Variants in LIN9 observed in about 807,000 individuals in gnomAD.
The protein encoded by LIN9 is protein lin-9 homolog.
A neutral mutation model predicts 78.0 loss-of-function variants in LIN9; 18 were observed. The ratio of observed to expected loss-of-function variants is 0.23; its 90% CI spans 0.16 to 0.34. The LOEUF (loss-of-function observed/expected upper bound fraction) is 0.34. Among genes scored for constraint, LIN9 ranks in the 10% least tolerant of loss-of-function variants. The probability of loss-of-function intolerance (pLI) is 1.00; values close to 1 mark genes in which losing one functional copy is unlikely to be tolerated. For synonymous variants in LIN9, 192 were observed against 215.2 expected (o/e 0.89, Z 0.94); for missense variants, 451 against 644.1 (o/e 0.70, Z 3.25).
intron 6 of LIN9, among the ~76,000 whole-genome samples, chr1:226,283,144 T>C (rs1301669474): frequency 1.3e-5 from 2 of 152,052 alleles, no homozygotes; most frequent in African/African-American, 4.8e-5. Context: ...TACTTATTTT[T>C]GAGGCAGGGT....
At chr1:226,250,230 T>G (rs185089141) in intron 11 of LIN9, among the ~76,000 whole-genome samples, 1 of 152,128 alleles carries the variant, frequency 6.6e-6, no homozygotes, top group East Asian at 1.9e-4. Context: ...TCTCATTTTT[T>G]GAACTCATTA....
rs922919466 is a variant in LIN9 at position 226,297,803 on chromosome 1, T to C, written c.75A>G (p.Leu25=). 1.3e-6 allele frequency: 2 copies of C among 1,575,888 alleles called. No individual in the cohort carries two copies. Among genetic ancestry groups the C allele is most frequent in the East Asian group, 4.6e-5 (2 of 43,928 alleles). ...KALVSLKEGS[L]SNTWNEKYSS... is the part of the protein sequence containing the mutation. The stretch of plus-strand genomic sequence containing the variant: ...TGTACTTTTCATTCCACGTGTTAGA[T>C]AAGCTTCCTTCTGTAATAAATAGTT... The change falls in exon 3 of 15, where the codon TTA becomes TTG. Residue 25 remains leucine (L), a synonymous_variant. Coordinates refer to ENST00000681046, the MANE Select transcript of LIN9 (RefSeq NM_001366245.2).
rs1659839948 is a variant in LIN9, at chr1:226,265,390, T to C, written c.1038+143A>G. ...TCTTTTTTGGTTTTTATAACTTTTA[T>C]TTTCAGGCTTTGTTGGAAATAGCAG... On this transcript the variant is annotated intron_variant, in intron 10 of 14. Coordinates refer to ENST00000681046, the MANE Select transcript of LIN9 (RefSeq NM_001366245.2). This position sits in a 1 kb window ranked among gnomAD's most constrained non-coding sequence, Gnocchi z 4.1. 2.2e-6 allele frequency: 1 copy of C among 460,602 alleles called. No individual in the cohort carries two copies. The highest frequency in any genetic ancestry group is 3.9e-6 in the Non-Finnish European group (1 of 258,100). 28.5% of individuals were successfully genotyped at this position (460,602 alleles called of 1,614,324 possible). A position where few individuals can be genotyped will look rare whatever the true frequency, so the allele number is the denominator to read the frequency against.
At chr1:226,261,360 G>T (rs1001186182) in intron 10 of LIN9, among the ~76,000 whole-genome samples, 1 of 151,518 alleles carries the variant, frequency 6.6e-6, no homozygotes, top group Non-Finnish European at 1.5e-5. Context: ...TTAGGCGGGT[G>T]ACATGACTGT....
intron 11 of LIN9, among the ~76,000 whole-genome samples, chr1:226,247,998 A>AG (rs1469443090): frequency 6.6e-6 from 1 of 152,134 alleles, no homozygotes; most frequent in Non-Finnish European, 1.5e-5. Flanking sequence ...TTAATGCTCC[A>AG]GTGTTCTTCA....
chr1:226,299,116 A>G (rs1350489145), intron 2 of LIN9, among the ~76,000 whole-genome samples: 2 of 152,212 alleles, frequency 1.3e-5, no homozygotes, highest in Non-Finnish European at 2.9e-5. Context: ...GGATGAATAT[A>G]CAAGCTGGTT....
intron 11 of LIN9, among the ~76,000 whole-genome samples, chr1:226,243,329 G>C (rs557947824): frequency 6.6e-6 from 1 of 152,338 alleles, no homozygotes; most frequent in South Asian, 2.1e-4. Context: ...TAGGATTGAA[G>C]AGAGTGATCT....
intron 7 of LIN9, among the ~76,000 whole-genome samples, chr1:226,277,534 T>C (rs954728837): frequency 5.9e-5 from 9 of 152,104 alleles, no homozygotes; most frequent in Admixed American, 2.0e-4. Context: ...TAGTGAAAAA[T>C]CAAAGTCACT....
chr1:226,279,650 C>CT (rs1660913960), intron 6 of LIN9, among the ~76,000 whole-genome samples: 1 of 143,356 alleles, frequency 7.0e-6, no homozygotes, highest in African/African-American at 2.6e-5. Flanking sequence ...CGGAATGAGC[C>CT]TGTAGTCCCA....
intron 12 of LIN9, among the ~76,000 whole-genome samples, chr1:226,234,189 G>A (rs1259560767): frequency 6.6e-6 from 1 of 152,162 alleles, no homozygotes; most frequent in Non-Finnish European, 1.5e-5. Context: ...AAGTAGTTGT[G>A]AAGAGATACT....
intron 11 of LIN9, among the ~76,000 whole-genome samples, chr1:226,244,000 G>A (rs1265329746): frequency 1.3e-5 from 2 of 150,856 alleles, no homozygotes; most frequent in East Asian, 2.1e-4. Context: ...TCAGCCTCCC[G>A]AATAGCTGGG....
At chr1:226,302,349 T>C (rs1367091604) in intron 1 of LIN9, among the ~76,000 whole-genome samples, 1 of 152,052 alleles carries the variant, frequency 6.6e-6, no homozygotes, top group Non-Finnish European at 1.5e-5. Flanking sequence ...CAAGACCATC[T>C]TGGCTAACAC....
intron 1 of LIN9, among the ~76,000 whole-genome samples, chr1:226,304,131 T>C (rs1662745952): frequency 6.6e-6 from 1 of 152,248 alleles, no homozygotes; most frequent in Non-Finnish European, 1.5e-5. Flanking sequence ...CAGTTAATTT[T>C]GATATAATGC....
At chr1:226,252,318 AAATGAATG>A (rs57329585) in intron 10 of LIN9, among the ~76,000 whole-genome samples, 80 of 136,000 alleles carry the variant, frequency 5.9e-4, no homozygotes, top group African/African-American at 2.2e-3. Context: ...ATAAATAAAT[AAATGAATG>A]AATGAATGAA....
At chr1:226,250,612 T>C (rs1658771973) in intron 11 of LIN9, among the ~76,000 whole-genome samples, 4 of 152,186 alleles carry the variant, frequency 2.6e-5, no homozygotes, top group Admixed American at 2.0e-4. Flanking sequence ...ACTGTAGTGG[T>C]AGAATCATAG....
At chr1:226,302,257 A>G (rs1662586234) in intron 1 of LIN9, among the ~76,000 whole-genome samples, 2 of 152,088 alleles carry the variant, frequency 1.3e-5, no homozygotes, top group African/African-American at 2.4e-5. Flanking sequence ...AAAAATCAAT[A>G]GAGAGGCCGG....
In LIN9 at chr1:226,233,407, G is replaced by A. The variant is rs142771300; in HGVS notation, c.1362C>T (p.Cys454=). The A allele has an allele frequency of 6.6e-5, 107 of 1,613,964 alleles. No individual in the cohort carries two copies. Among genetic ancestry groups the A allele is most frequent in the African/African-American group, 5.7e-4 (43 of 75,004 alleles). The change falls in exon 13 of 15, where the codon TGC becomes TGT. Residue 454 remains cysteine, a synonymous_variant. Transcript: ENST00000681046. ...RHANSSTGQP[C]VENENLTDLI... ...AGTCTGTCAGATTTTCATTTTCAACGCAGGGCTGTCCTGTTGAGGAATTTG... is the reference window on the plus strand; with the variant it reads ...AGTCTGTCAGATTTTCATTTTCAACACAGGGCTGTCCTGTTGAGGAATTTG...
rs1176736641 is a variant in LIN9, at chr1:226,265,429, C to G, written c.1038+104G>C. 3 of 577,646 alleles carry G rather than the reference C, an allele frequency of 5.2e-6. No individual in the cohort carries two copies. The highest frequency in any genetic ancestry group is 3.8e-5 in the African/African-American group (2 of 52,140). 35.8% of individuals were successfully genotyped at this position (577,646 alleles called of 1,614,324 possible). A position where few individuals can be genotyped will look rare whatever the true frequency, so the allele number is the denominator to read the frequency against. On this transcript the variant is annotated intron_variant, in intron 10 of 14. Coordinates refer to ENST00000681046, the MANE Select transcript of LIN9 (RefSeq NM_001366245.2). The surrounding 1 kb of genome is among the most constrained non-coding windows in gnomAD (Gnocchi z 4.1). ...TGGAAATAGCAGCTCTTAAAACCTA[C>G]ACGGTGATAAACCTACACGGCCCTA... is the stretch of plus-strand genomic sequence containing the variant.
At chr1:226,299,729 T>C (rs1662396669) in intron 2 of LIN9, among the ~76,000 whole-genome samples, 1 of 152,128 alleles carries the variant, frequency 6.6e-6, no homozygotes, top group Non-Finnish European at 1.5e-5. Context: ...TTTAGCTTGG[T>C]TCCAAATTTA....
Sources: allele counts gnomAD v4.1 joint callset (sites outside exome capture counted in the v4.1 genomes callset), GRCh38; gene constraint gnomAD v4.1.1; non-coding constraint Gnocchi (gnomAD v3.1); transcripts MANE v1.5; gene names NCBI Gene and HGNC (gene_info 2026-07-23, HGNC 2026-07-21).